The following ROBO2 variants were observed in gnomAD, a reference collection of about 807,000 sequenced individuals.
The protein encoded by ROBO2 is roundabout guidance receptor 2.
In ROBO2, 53 loss-of-function variants were observed where a neutral mutation model predicts 160.8. The ratio of observed to expected loss-of-function variants is 0.33; its 90% CI spans 0.26 to 0.41. The LOEUF (loss-of-function observed/expected upper bound fraction) is 0.41, where lower values mean the gene tolerates loss of function less well. Among genes scored for constraint, ROBO2 ranks in the 10% least tolerant of loss-of-function variants. The pLI is 1.00. For synonymous variants in ROBO2, 664 were observed against 611.7 expected, an observed-to-expected ratio of 1.09 and a Z score of -1.26; for missense variants, 1,577 against 1,722.4, an observed-to-expected ratio of 0.92 and a Z score of 1.49.
chr3:76,030,370 A>G (rs1178085326), intron 2 of ROBO2, among the ~76,000 whole-genome samples: 1 of 152,162 alleles, frequency 6.6e-6, no homozygotes, highest in African/African-American at 2.4e-5. Context: ...CTTTAGTTTA[A>G]TTAGATCCCA....
At chr3:77,166,907 G>A (rs2079149375) in intron 2 of ROBO2, among the ~76,000 whole-genome samples, 1 of 152,146 alleles carries the variant, frequency 6.6e-6, no homozygotes, top group South Asian at 2.1e-4. Flanking sequence ...ATAGATAGAT[G>A]CCTCATACAT....
chr3:76,975,868 A>G (rs957343505), intron 2 of ROBO2, among the ~76,000 whole-genome samples: 1 of 152,158 alleles, frequency 6.6e-6, no homozygotes, highest in African/African-American at 2.4e-5. Flanking sequence ...CATGCTGTAA[A>G]TTATATACAT....
At chr3:76,471,904 T>C (rs1172024661) in intron 2 of ROBO2, among the ~76,000 whole-genome samples, 1 of 152,114 alleles carries the variant, frequency 6.6e-6, no homozygotes, top group Non-Finnish European at 1.5e-5. Context: ...ACTCATTCAC[T>C]ACCATGAGAA....
chr3:77,605,798 T>G (rs561586624), intron 20 of ROBO2, among the ~76,000 whole-genome samples: 1 of 152,286 alleles, frequency 6.6e-6, no homozygotes, highest in Non-Finnish European at 1.5e-5. Context: ...ATGCAAGAAC[T>G]TGTCTATTTC....
intron 2 of ROBO2, among the ~76,000 whole-genome samples, chr3:76,000,898 A>C (rs1018750366): frequency 6.6e-6 from 1 of 152,050 alleles, no homozygotes; most frequent in Admixed American, 6.5e-5. Context: ...TATGCTCTCT[A>C]TCTTTTAGTA....
At chr3:77,602,364 G>A in exon 20 of ROBO2, 2 of 1,614,080 alleles carry the variant, frequency 1.2e-6, no homozygotes, top group East Asian at 4.5e-5. Context: ...CACAGATCTT[G>A]CATTCCAACA....
chr3:76,396,425 C>T (rs1333439431), intron 2 of ROBO2, among the ~76,000 whole-genome samples: 1 of 152,086 alleles, frequency 6.6e-6, no homozygotes, highest in African/African-American at 2.4e-5. Flanking sequence ...GACAGGGATG[C>T]CCTCTCTCAC....
At chr3:76,764,031 A>C (rs1048438569) in intron 2 of ROBO2, among the ~76,000 whole-genome samples, 5 of 151,784 alleles carry the variant, frequency 3.3e-5, no homozygotes. Flanking sequence ...AACAACAAAG[A>C]ATCTTCGTTT....
chr3:77,418,977 G>T (rs2077487691), intron 2 of ROBO2, among the ~76,000 whole-genome samples: 1 of 152,060 alleles, frequency 6.6e-6, no homozygotes, highest in African/African-American at 2.4e-5. Flanking sequence ...AAATTGGGTG[G>T]CTTAAAACAA....
chr3:76,192,702 G>A lies in ROBO2; in HGVS notation c.109+255100G>A, dbSNP rs374918688. ...TCTTCCCACATGATAAATTACTTCT[G>A]AATTGTGATAACTTCAATTTATGTT... is the stretch of plus-strand genomic sequence containing the variant. On this transcript the variant is annotated intron_variant, in intron 2 of 26. Transcript: ENST00000487694. 5.9e-4 allele frequency among the ~76,000 whole-genome samples: 89 copies of A among 151,978 alleles called. 2 individuals are homozygous for A. The South Asian group carries it at 0.018, about 31-fold the overall frequency.
At chr3:76,283,615 C>T (rs1388551585) in intron 2 of ROBO2, among the ~76,000 whole-genome samples, 1 of 151,896 alleles carries the variant, frequency 6.6e-6, no homozygotes, top group African/African-American at 2.4e-5. Context: ...TCTTGTCACC[C>T]AATTCCCATT....
intron 2 of ROBO2, among the ~76,000 whole-genome samples, chr3:76,589,258 G>A (rs912041440): frequency 6.6e-6 from 1 of 152,092 alleles, no homozygotes; most frequent in African/African-American, 2.4e-5. Context: ...ATGCCTATAT[G>A]AAGCTGAAAA....
chr3:77,434,349 G>C (rs1311824078), intron 2 of ROBO2, among the ~76,000 whole-genome samples: 4 of 152,008 alleles, frequency 2.6e-5, no homozygotes, highest in African/African-American at 9.7e-5. Flanking sequence ...ATTCACAACT[G>C]TAATTAAGTA....
At chr3:76,091,032 T>A (rs1421952147) in intron 2 of ROBO2, among the ~76,000 whole-genome samples, 3 of 152,216 alleles carry the variant, frequency 2.0e-5, no homozygotes, top group Non-Finnish European at 4.4e-5. Context: ...AATCTGTGAC[T>A]TTGACAATGA....
intron 2 of ROBO2, among the ~76,000 whole-genome samples, chr3:76,868,278 T>C (rs1332002430): frequency 6.6e-6 from 1 of 152,204 alleles, no homozygotes; most frequent in Non-Finnish European, 1.5e-5. Context: ...AAATGTGTAA[T>C]CTGTCTACCC....
chr3:76,421,045 G>C (rs921780402), intron 2 of ROBO2, among the ~76,000 whole-genome samples: 1 of 152,162 alleles, frequency 6.6e-6, no homozygotes, highest in African/African-American at 2.4e-5. Flanking sequence ...TGAGATTTTA[G>C]GGGTATAGCT....
chr3:75,960,124 T>C (rs1169888824), intron 2 of ROBO2, among the ~76,000 whole-genome samples: 2 of 151,478 alleles, frequency 1.3e-5, no homozygotes, highest in Non-Finnish European at 3.0e-5. Flanking sequence ...GGCTGGAAAA[T>C]TGGGGTCACT....
At chr3:76,942,063 T>A (rs2078222810) in intron 2 of ROBO2, among the ~76,000 whole-genome samples, 1 of 152,216 alleles carries the variant, frequency 6.6e-6, no homozygotes, top group Non-Finnish European at 1.5e-5. Context: ...ACCTGTTTTA[T>A]TTCCAAAAGT....
At chr3:77,349,724 GAT>G (rs1394114314) in intron 2 of ROBO2, among the ~76,000 whole-genome samples, 1 of 152,182 alleles carries the variant, frequency 6.6e-6, no homozygotes, top group Non-Finnish European at 1.5e-5. Flanking sequence ...TGGGTTCACA[GAT>G]ACATCAGACT....
Sources: gnomAD v4.1 joint callset for allele counts (sites outside exome capture counted in the v4.1 genomes callset) on GRCh38, gnomAD v4.1.1 for gene constraint, MANE v1.5 for transcripts, NCBI Gene and HGNC (gene_info 2026-07-23, HGNC 2026-07-21) for gene names.